Variants in EBF1 observed in about 807,000 individuals in gnomAD.
The protein encoded by EBF1 is EBF transcription factor 1.
In EBF1, 10 loss-of-function variants were observed where a neutral mutation model predicts 68.4. The ratio of observed to expected loss-of-function variants is 0.15; its 90% CI spans 0.09 to 0.25. The LOEUF (loss-of-function observed/expected upper bound fraction) is 0.25. EBF1 is among the 10% of genes least tolerant of loss of function. The pLI is 1.00. For synonymous variants in EBF1, 298 were observed against 299.8 expected, an observed-to-expected ratio of 0.99 and a Z score of 0.06; for missense variants, 509 against 794.4, an observed-to-expected ratio of 0.64 and a Z score of 4.32.
intron 6 of EBF1, among the ~76,000 whole-genome samples, chr5:159,057,451 C>A (rs1055369024): frequency 5.9e-5 from 9 of 152,176 alleles, no homozygotes; most frequent in South Asian, 4.1e-4. Flanking sequence ...GTGCTCCGTG[C>A]ACAATGCTAG....
intron 6 of EBF1, among the ~76,000 whole-genome samples, chr5:159,007,747 TC>T (rs751736934): frequency 6.6e-6 from 1 of 151,892 alleles, no homozygotes; most frequent in Non-Finnish European, 1.5e-5. Flanking sequence ...ATTTATTCTC[TC>T]CCCCTCCACC....
chr5:158,761,844 C>T (rs887337283), intron 10 of EBF1, among the ~76,000 whole-genome samples: 1 of 152,064 alleles, frequency 6.6e-6, no homozygotes, highest in Non-Finnish European at 1.5e-5. Context: ...TGTTTTATTA[C>T]ATTAAGGTTT....
intron 6 of EBF1, among the ~76,000 whole-genome samples, chr5:159,046,913 G>T (rs909623360): frequency 3.3e-5 from 5 of 152,194 alleles, no homozygotes; most frequent in African/African-American, 1.2e-4. Context: ...GATTCACTCA[G>T]TTGGTTCTCA....
intron 5 of EBF1, among the ~76,000 whole-genome samples, chr5:159,078,752 G>T (rs900926148): frequency 6.6e-6 from 1 of 152,202 alleles, no homozygotes. Context: ...CTACACTACG[G>T]ACCGAAATCA....
At chr5:158,919,817 C>T (rs570458380) in intron 6 of EBF1, among the ~76,000 whole-genome samples, 42 of 152,260 alleles carry the variant, frequency 2.8e-4, no homozygotes, top group Non-Finnish European at 5.0e-4. Context: ...ATATTATTAT[C>T]CCAATTTACA....
intron 15 of EBF1, among the ~76,000 whole-genome samples, chr5:158,703,904 GA>G (rs1449963802): frequency 2.6e-5 from 4 of 152,178 alleles, no homozygotes; most frequent in Non-Finnish European, 5.9e-5. Flanking sequence ...GCCTTTCCCA[GA>G]CAGATCTTCC....
chr5:158,962,766 G>A (rs1057214430), intron 6 of EBF1, among the ~76,000 whole-genome samples: 2 of 152,156 alleles, frequency 1.3e-5, no homozygotes, highest in Non-Finnish European at 2.9e-5. Flanking sequence ...GACTAAAAAG[G>A]TATAGGACTT....
At chr5:158,864,510 G>C (rs903693253) in intron 6 of EBF1, among the ~76,000 whole-genome samples, 16 of 152,226 alleles carry the variant, frequency 1.1e-4, no homozygotes, top group Middle Eastern at 3.4e-3. Context: ...GGTTGCCCCA[G>C]TAGTTCTATG....
At chr5:159,009,500 T>C (rs1416306164) in intron 6 of EBF1, among the ~76,000 whole-genome samples, 4 of 152,224 alleles carry the variant, frequency 2.6e-5, no homozygotes, top group African/African-American at 9.6e-5. Context: ...TAAATGATCA[T>C]GTCTCCTTAA....
intron 6 of EBF1, among the ~76,000 whole-genome samples, chr5:159,020,544 A>G (rs965782543): frequency 2.0e-5 from 3 of 152,136 alleles, no homozygotes; most frequent in Non-Finnish European, 2.9e-5. Flanking sequence ...TCCTTCCTGC[A>G]GTTCTGTGTC....
chr5:158,952,359 G>T (rs1236959053), intron 6 of EBF1, among the ~76,000 whole-genome samples: 1 of 152,158 alleles, frequency 6.6e-6, no homozygotes, highest in African/African-American at 2.4e-5. Context: ...GGCACAAAGG[G>T]TGACTGAGAT....
chr5:158,736,432 G>A (rs543006047), intron 10 of EBF1, among the ~76,000 whole-genome samples: 2 of 152,148 alleles, frequency 1.3e-5, no homozygotes, highest in Non-Finnish European at 2.9e-5. Flanking sequence ...ACATATTTCT[G>A]GGGTTTTAAT....
At chr5:158,769,450 C>T (rs1363400807) in intron 10 of EBF1, among the ~76,000 whole-genome samples, 1 of 152,094 alleles carries the variant, frequency 6.6e-6, no homozygotes, top group Non-Finnish European at 1.5e-5. Context: ...TGATTACACT[C>T]CACTCCAAAT....
At chr5:158,871,759 G>T (rs904885377) in intron 6 of EBF1, among the ~76,000 whole-genome samples, 1 of 152,168 alleles carries the variant, frequency 6.6e-6, no homozygotes, top group Admixed American at 6.5e-5. Flanking sequence ...GCTCAATGAC[G>T]CACAGTTCAT....
chr5:158,924,432 T>C (rs1000391135), intron 6 of EBF1, among the ~76,000 whole-genome samples: 3 of 152,178 alleles, frequency 2.0e-5, no homozygotes, highest in Admixed American at 6.5e-5. Context: ...CCTTCATTTG[T>C]TCAACATAGA....
At chr5:158,724,893 T>C (rs1762676394) in intron 11 of EBF1, among the ~76,000 whole-genome samples, 3 of 152,238 alleles carry the variant, frequency 2.0e-5, no homozygotes, top group Admixed American at 2.0e-4. Flanking sequence ...ATGAGGCTAA[T>C]GTGAACTGAT....
chr5:158,878,593 G>T (rs185940742), intron 6 of EBF1, among the ~76,000 whole-genome samples: 14 of 150,972 alleles, frequency 9.3e-5, no homozygotes, highest in East Asian at 5.8e-4. Flanking sequence ...ACACTCAGAC[G>T]AGTAATTTGA....
intron 6 of EBF1, among the ~76,000 whole-genome samples, chr5:158,924,075 A>C (rs1409308766): frequency 6.6e-6 from 1 of 152,174 alleles, no homozygotes; most frequent in Non-Finnish European, 1.5e-5. Flanking sequence ...GACAAGACAA[A>C]GTTTTTAGTC....
intron 6 of EBF1, among the ~76,000 whole-genome samples, chr5:159,022,267 T>A (rs1766865857): frequency 6.6e-6 from 1 of 152,202 alleles, no homozygotes; most frequent in African/African-American, 2.4e-5. Flanking sequence ...AGAACTATTA[T>A]CAAAACACAG....
Sources: allele counts gnomAD v4.1 joint callset (sites outside exome capture counted in the v4.1 genomes callset), GRCh38; gene constraint gnomAD v4.1.1; transcripts MANE v1.5; gene names NCBI Gene and HGNC (gene_info 2026-07-23, HGNC 2026-07-21).